Variants in PPFIA2 observed in about 807,000 individuals in gnomAD.
The protein encoded by PPFIA2 is PPFI scaffold protein A2, also known as liprin-alpha-2.
Under a neutral mutation model 175.5 loss-of-function variants are expected in PPFIA2, and 46 were observed. That is an observed-to-expected ratio of 0.26 (90% CI 0.21 to 0.34). PPFIA2 has a LOEUF of 0.34. Among genes scored for constraint, PPFIA2 ranks in the 10% least tolerant of loss-of-function variants. The pLI, the probability that PPFIA2 is intolerant of heterozygous loss-of-function variation, is 1.00. For synonymous variants in PPFIA2, 568 were observed against 511.4 expected, an observed-to-expected ratio of 1.11 and a Z score of -1.49; for missense variants, 1,179 against 1,506.1, an observed-to-expected ratio of 0.78 and a Z score of 3.60.
At chr12:81,675,585 G>A (rs1327935428) in intron 4 of PPFIA2, 1 of 152,018 alleles carries the variant, frequency 6.6e-6, no homozygotes, top group East Asian at 1.9e-4. Context: ...TCAGTGAACA[G>A]TTGAGGGAAG....
At chr12:81,737,579 A>T (rs2081774003) in intron 3 of PPFIA2, among the ~76,000 whole-genome samples, 1 of 152,184 alleles carries the variant, frequency 6.6e-6, no homozygotes, top group Non-Finnish European at 1.5e-5. Flanking sequence ...ATGAATAATA[A>T]TTCACCAAAA....
chr12:81,657,075 A>C (rs1239590114), intron 4 of PPFIA2, among the ~76,000 whole-genome samples: 1 of 152,288 alleles, frequency 6.6e-6, no homozygotes, highest in African/African-American at 2.4e-5. Flanking sequence ...TTTGCTGATT[A>C]ATGTTTCCCT....
chr12:81,580,721 C>T (rs1389009703), intron 4 of PPFIA2, among the ~76,000 whole-genome samples: 1 of 151,660 alleles, frequency 6.6e-6, no homozygotes, highest in Non-Finnish European at 1.5e-5. Context: ...ACTTCATATT[C>T]TATAGAAACG....
chr12:81,268,528 A>G (rs2038117476), intron 28 of PPFIA2, among the ~76,000 whole-genome samples: 1 of 152,174 alleles, frequency 6.6e-6, no homozygotes, highest in Non-Finnish European at 1.5e-5. Context: ...ACTCTAATCC[A>G]TCTGGCTCCC....
At chr12:81,698,961 G>T (rs1809811032) in intron 3 of PPFIA2, among the ~76,000 whole-genome samples, 1 of 152,064 alleles carries the variant, frequency 6.6e-6, no homozygotes, top group Admixed American at 6.6e-5. Context: ...GTAGAGCTAA[G>T]ATTTTTACTA....
At chr12:81,412,599 T>C (rs935094298) in intron 7 of PPFIA2, among the ~76,000 whole-genome samples, 1 of 151,934 alleles carries the variant, frequency 6.6e-6, no homozygotes, top group Non-Finnish European at 1.5e-5. Context: ...GTTTGAAAGG[T>C]GATTCCTGGA....
chr12:81,544,146 G>A (rs1294488175), intron 4 of PPFIA2, among the ~76,000 whole-genome samples: 1 of 152,132 alleles, frequency 6.6e-6, no homozygotes, highest in Non-Finnish European at 1.5e-5. Context: ...GTTAATAACA[G>A]GGGAGACTTG....
At chr12:81,289,385 CTT>C (rs1482232137) in intron 24 of PPFIA2, among the ~76,000 whole-genome samples, 3 of 151,782 alleles carry the variant, frequency 2.0e-5, no homozygotes, top group African/African-American at 4.8e-5. Flanking sequence ...TTGTTTAAAA[CTT>C]ATTTATTTCC....
intron 30 of PPFIA2, among the ~76,000 whole-genome samples, chr12:81,263,673 G>T (rs1439585219): frequency 6.6e-6 from 1 of 152,084 alleles, no homozygotes; most frequent in Non-Finnish European, 1.5e-5. Flanking sequence ...AGCAACCAAT[G>T]TTTTCCAAAA....
At chr12:81,342,133 T>G (rs566104930) in intron 19 of PPFIA2, among the ~76,000 whole-genome samples, 48 of 152,226 alleles carry the variant, frequency 3.2e-4, no homozygotes, top group Non-Finnish European at 5.1e-4. Context: ...AAGAACACTT[T>G]AGTACAGAAT....
intron 6 of PPFIA2, among the ~76,000 whole-genome samples, chr12:81,442,894 TATA>T (rs2050477718): frequency 8.7e-6 from 1 of 115,512 alleles, no homozygotes; most frequent in Non-Finnish European, 1.8e-5. Flanking sequence ...TATATATATA[TATA>T]TAGTATTACT....
At chr12:81,350,211 C>T (rs754138079) in intron 17 of PPFIA2, among the ~76,000 whole-genome samples, 14 of 152,044 alleles carry the variant, frequency 9.2e-5, no homozygotes, top group Non-Finnish European at 1.9e-4. Context: ...TTGGTAAATT[C>T]GACCATTAGC....
intron 14 of PPFIA2, among the ~76,000 whole-genome samples, chr12:81,366,810 C>A (rs554611136): frequency 6.6e-6 from 1 of 151,634 alleles, no homozygotes; most frequent in East Asian, 1.9e-4. Flanking sequence ...CAAGGCAAAA[C>A]CATTTTTTAA....
chr12:81,362,558 T>TGAA, intron 15 of PPFIA2, 135 bp downstream of exon 15: 1 of 480,086 alleles, frequency 2.1e-6, no homozygotes, highest in East Asian at 3.2e-5. Flanking sequence ...TGCAAATCAG[T>TGAA]GAAGAGTCAA....
chr12:81,284,208 T>C (rs2042748648), intron 25 of PPFIA2, 33 bp downstream of exon 25: 1 of 1,500,550 alleles, frequency 6.7e-7, no homozygotes, highest in Non-Finnish European at 9.2e-7. Context: ...AAAGTCACTT[T>C]CCTTCAGGTT....
intron 4 of PPFIA2, among the ~76,000 whole-genome samples, chr12:81,589,250 G>A (rs1290468207): frequency 1.3e-5 from 2 of 151,938 alleles, no homozygotes; most frequent in African/African-American, 4.8e-5. Context: ...AAATGGAAGA[G>A]TTATAACTTC....
Position 81,369,025 on chromosome 12 carries a change from A to G in PPFIA2, c.1350+86T>C, listed in dbSNP as rs1182120733. ...TATTTGTAAGTTTTAAATATAACCC[A>G]TACTCAGTTAAAGGCTTTCTTCTTA... On this transcript the variant is annotated intron_variant, in intron 12 of 32. Transcript: ENST00000549396. 4.6e-6 allele frequency: 6 copies of G among 1,292,458 alleles called. No homozygotes were observed. The South Asian group carries it at 5.6e-5, about 12-fold the overall frequency. 80.1% of individuals were successfully genotyped at this position (1,292,458 alleles called of 1,614,324 possible).
intron 3 of PPFIA2, among the ~76,000 whole-genome samples, chr12:81,717,922 C>T (rs1679199631): frequency 6.6e-6 from 1 of 151,412 alleles, no homozygotes; most frequent in Admixed American, 6.6e-5. Context: ...CAAATTGATC[C>T]CATGGAGAAA....
rs747493067 is a variant in PPFIA2, at chr12:81,457,845, C to G, written c.325G>C (p.Glu109Gln). The part of the protein sequence containing the change: ...DPPEFAALTK[E>Q]LNACREQLLE... ...AGTTGTTCCCTGCAGGCATTTAATT[C>G]TTTTGTCAGTGCAGCAAATTCCTGG... Residue 109 changes from glutamate to glutamine, a missense_variant, in exon 5 of 33, where the codon GAA becomes CAA. Transcript: ENST00000549396. 6.2e-7 allele frequency: 1 copy of G among 1,604,364 alleles called. No individual in the cohort carries two copies. The highest frequency in any genetic ancestry group is 1.1e-5 in the South Asian group (1 of 88,724).
Sources: allele counts gnomAD v4.1 joint callset (sites outside exome capture counted in the v4.1 genomes callset), GRCh38; gene constraint gnomAD v4.1.1; transcripts MANE v1.5; gene names NCBI Gene and HGNC (gene_info 2026-07-23, HGNC 2026-07-21).